Variants in ZNF423 observed in about 807,000 individuals in gnomAD.
The protein encoded by ZNF423 is zinc finger protein 423, also known as Ebf-associated zinc finger protein.
Under a neutral mutation model 95.8 loss-of-function variants are expected in ZNF423, and 12 were observed. That is an observed-to-expected ratio of 0.13 (90% CI 0.08 to 0.20). The LOEUF (loss-of-function observed/expected upper bound fraction) is 0.20. Among genes scored for constraint, ZNF423 ranks in the 10% least tolerant of loss-of-function variants. ZNF423 has a pLI of 1.00. For missense variants in ZNF423, 1,316 were observed against 1,737.1 expected (o/e 0.76, Z 4.31); for synonymous variants, 749 against 711.9 (o/e 1.05, Z -0.83).
chr16:49,624,865 C>G (rs1454735300), intron 5 of ZNF423, among the ~76,000 whole-genome samples: 1 of 152,070 alleles, frequency 6.6e-6, no homozygotes, highest in Non-Finnish European at 1.5e-5. Context: ...CTGAAGGAGC[C>G]CAAGAGGGAA....
chr16:49,847,405 C>G (rs1317936917), intron 1 of ZNF423: 1 of 152,296 alleles, frequency 6.6e-6, no homozygotes, highest in African/African-American at 2.4e-5. Context: ...AGCTCGCAAC[C>G]CACCAGGCAC....
At chr16:49,702,613 G>C (rs1027662492) in intron 3 of ZNF423, among the ~76,000 whole-genome samples, 2 of 152,228 alleles carry the variant, frequency 1.3e-5, no homozygotes, top group Non-Finnish European at 2.9e-5. Context: ...GATGGCGGGA[G>C]GGGGTCAGAA....
intron 5 of ZNF423, among the ~76,000 whole-genome samples, chr16:49,533,640 C>G (rs1304066066): frequency 6.6e-6 from 1 of 152,208 alleles, no homozygotes; most frequent in East Asian, 1.9e-4. Context: ...GCGGACGGCC[C>G]CCGACTAGCC....
rs535863171 is a variant in ZNF423 at position 49,829,157 on chromosome 16, T to C, written c.40+26578A>G. On this transcript the variant is annotated intron_variant, in intron 1 of 7. Coordinates refer to ENST00000563137, the MANE Select transcript of ZNF423 (RefSeq NM_001379286.1). ...TATTCCAGGCAGTTACTCAGATTGCTTGTTAAACTTGAAGGAATCACAGCC... is the reference window on the plus strand; with the variant it reads ...TATTCCAGGCAGTTACTCAGATTGCCTGTTAAACTTGAAGGAATCACAGCC... Among the ~76,000 whole-genome samples, 6 of 152,360 alleles carry C rather than the reference T, an allele frequency of 3.9e-5. No homozygotes were observed. The South Asian group carries it at 1.2e-3, about 32-fold the overall frequency.
intron 5 of ZNF423, among the ~76,000 whole-genome samples, chr16:49,547,432 T>C (rs777415586): frequency 6.6e-6 from 1 of 152,148 alleles, no homozygotes; most frequent in Non-Finnish European, 1.5e-5. Context: ...CAGAGCACTC[T>C]AAGAATCTCA....
At chr16:49,648,487 C>T (rs957781249) in intron 3 of ZNF423, among the ~76,000 whole-genome samples, 12 of 151,936 alleles carry the variant, frequency 7.9e-5, no homozygotes, top group Non-Finnish European at 1.5e-4. Flanking sequence ...ACTAAAAATA[C>T]AAAAATTAGC....
At chr16:49,622,466 C>T (rs571934405) in intron 5 of ZNF423, among the ~76,000 whole-genome samples, 3 of 152,128 alleles carry the variant, frequency 2.0e-5, no homozygotes, top group Non-Finnish European at 4.4e-5. Context: ...GCTCATCACC[C>T]TCGCAGCCTG....
intron 5 of ZNF423, among the ~76,000 whole-genome samples, chr16:49,547,025 AAC>A (rs1465479991): frequency 6.6e-6 from 1 of 152,122 alleles, no homozygotes; most frequent in African/African-American, 2.4e-5. Context: ...AAAAAAAAAA[AAC>A]AATCAGCCAG....
At chr16:49,732,107 G>T (rs2033183457) in intron 2 of ZNF423, among the ~76,000 whole-genome samples, 1 of 152,106 alleles carries the variant, frequency 6.6e-6, no homozygotes, top group African/African-American at 2.4e-5. Context: ...ACCCCCTGCA[G>T]AGAGGGACAG....
chr16:49,792,904 A>C (rs1425674770), intron 1 of ZNF423, among the ~76,000 whole-genome samples: 1 of 151,966 alleles, frequency 6.6e-6, no homozygotes, highest in East Asian at 1.9e-4. Flanking sequence ...TAAGACTATA[A>C]GCGTGTGCCA....
At chr16:49,508,732 G>A (rs1237650857) in intron 7 of ZNF423, among the ~76,000 whole-genome samples, 1 of 152,014 alleles carries the variant, frequency 6.6e-6, no homozygotes, top group Non-Finnish European at 1.5e-5. Context: ...GGGAGGGCAG[G>A]GGCAGGCATG....
chr16:49,855,145 G>C lies in ZNF423; in HGVS notation c.40+590C>G, dbSNP rs2035346444. On this transcript the variant is annotated intron_variant, in intron 1 of 7. Coordinates refer to ENST00000563137, the MANE Select transcript of ZNF423 (RefSeq NM_001379286.1). The surrounding 1 kb of genome is among the most constrained non-coding windows in gnomAD (Gnocchi z 4.7). ...GAGAAGGCCTGGGCAGGGGCGGGAG[G>C]GGGCGCCAGGCGGCCGGGGCGAGGG... is the stretch of plus-strand genomic sequence containing the variant. The C allele has an allele frequency of 1.5e-6, 1 of 680,688 alleles. No individual in the cohort carries two copies. Among genetic ancestry groups the C allele is most frequent in the Non-Finnish European group, 1.8e-6 (1 of 555,294 alleles). The allele number at this position is 680,688 out of a possible 1,614,324, so 42.2% of individuals were successfully genotyped here. A position where few individuals can be genotyped will look rare whatever the true frequency, so the allele number is the denominator to read the frequency against.
At chr16:49,730,650 A>G in intron 3 of ZNF423, 121 bp downstream of exon 3, 1 of 1,087,550 alleles carries the variant, frequency 9.2e-7, no homozygotes, top group South Asian at 1.5e-5. Context: ...ACCACAATAA[A>G]ATGACATTAA....
chr16:49,743,314 C>T (rs191819424), intron 2 of ZNF423, among the ~76,000 whole-genome samples: 227 of 152,272 alleles, frequency 1.5e-3, no homozygotes, highest in African/African-American at 5.2e-3. Flanking sequence ...TCTGGGAGCT[C>T]GCTGGGCACC....
At chr16:49,608,614 G>C (rs1971617502) in intron 5 of ZNF423, among the ~76,000 whole-genome samples, 1 of 152,160 alleles carries the variant, frequency 6.6e-6, no homozygotes, top group Admixed American at 6.5e-5. Flanking sequence ...TGAGGATCCT[G>C]GGTTTTCTTT....
At chr16:49,518,558 G>C in intron 7 of ZNF423, 1 of 431,662 alleles carries the variant, frequency 2.3e-6, no homozygotes, top group South Asian at 1.7e-5. Context: ...TTTCACATCA[G>C]TTACACAAAA....
chr16:49,833,393 TAAG>T (rs2035082085), intron 1 of ZNF423, among the ~76,000 whole-genome samples: 1 of 152,236 alleles, frequency 6.6e-6, no homozygotes, highest in African/African-American at 2.4e-5. Context: ...TTTTGTTTCC[TAAG>T]AACAATCACT....
intron 1 of ZNF423, among the ~76,000 whole-genome samples, chr16:49,819,249 CAAAAA>C (rs34167954): frequency 5.0e-4 from 36 of 72,722 alleles, no homozygotes; most frequent in African/African-American, 1.9e-3. Context: ...GATTCCGTCT[CAAAAA>C]AAAAAAAAAA....
At position 49,547,341 on chromosome 16, in the gene ZNF423, G is replaced by A. The variant is rs900577145; in HGVS notation, c.3602-21847C>T. Among the ~76,000 whole-genome samples, 3 of 152,044 alleles carry A rather than the reference G, an allele frequency of 2.0e-5. No homozygotes were observed. In the East Asian group the frequency reaches 5.8e-4, roughly 29 times the overall value. ...CCACAAGGCTTCACCCAACACAAAGGGGCCACGATGCGTGATCCTCCCACA... is the reference window on the plus strand; with the variant it reads ...CCACAAGGCTTCACCCAACACAAAGAGGCCACGATGCGTGATCCTCCCACA... On this transcript the variant is annotated intron_variant, in intron 5 of 7. Transcript: ENST00000563137.
Sources: allele counts gnomAD v4.1 joint callset (sites outside exome capture counted in the v4.1 genomes callset), GRCh38; gene constraint gnomAD v4.1.1; non-coding constraint Gnocchi (gnomAD v3.1); transcripts MANE v1.5; gene names NCBI Gene and HGNC (gene_info 2026-07-23, HGNC 2026-07-21).